The following TENM3 variants were observed in gnomAD, a reference collection of about 807,000 sequenced individuals.
The protein encoded by TENM3 is teneurin-3.
A neutral mutation model predicts 255.1 loss-of-function variants in TENM3; 63 were observed. The ratio of observed to expected loss-of-function variants is 0.25; its 90% CI spans 0.20 to 0.30. The LOEUF is 0.30. Among genes scored for constraint, TENM3 ranks in the 10% least tolerant of loss-of-function variants. The pLI is 1.00. For synonymous variants in TENM3, 1,306 were observed against 1,322.3 expected (o/e 0.99, Z 0.27); for missense variants, 2,929 against 3,461.1 (o/e 0.85, Z 3.86).
At chr4:182,484,491 T>G (rs1186040013) in intron 3 of TENM3, among the ~76,000 whole-genome samples, 1 of 152,164 alleles carries the variant, frequency 6.6e-6, no homozygotes, top group Admixed American at 6.6e-5. Flanking sequence ...TGGTTATTTT[T>G]AATACATGGG....
At chr4:182,729,239 CTTATGTGAAATACTCA>C in intron 14 of TENM3, 58 bp downstream of exon 14, 1 of 1,418,446 alleles carries the variant, frequency 7.0e-7, no homozygotes, top group Non-Finnish European at 9.9e-7. Flanking sequence ...GTTACATACA[CTTATGTGAAATACTCA>C]TGACTGTGAA....
At chr4:181,585,534 T>C in the TENM3 span, among the ~76,000 whole-genome samples, 3 of 152,218 alleles carry the variant, frequency 2.0e-5, no homozygotes, top group Non-Finnish European at 4.4e-5. Flanking sequence ...TATTTAGCAT[T>C]GTACTTTCCC....
At chr4:182,664,388 A>G (rs140443407) in intron 6 of TENM3, among the ~76,000 whole-genome samples, 393 of 152,296 alleles carry the variant, frequency 2.6e-3, no homozygotes, top group Non-Finnish European at 3.4e-3. Context: ...GTGTGTTCTG[A>G]CTGCTCCGTG....
chr4:182,036,990 T>C, the TENM3 span, among the ~76,000 whole-genome samples: 1 of 152,164 alleles, frequency 6.6e-6, no homozygotes, highest in South Asian at 2.1e-4. Flanking sequence ...CTTCCTCTTG[T>C]GTGTTATATA....
chr4:181,844,145 A>G, the TENM3 span, among the ~76,000 whole-genome samples: 39 of 152,084 alleles, frequency 2.6e-4, no homozygotes, highest in Non-Finnish European at 8.8e-5. Flanking sequence ...CATGGTAACT[A>G]ACCGACTCCT....
At chr4:182,444,656 G>A (rs1772764325) in intron 3 of TENM3, among the ~76,000 whole-genome samples, 1 of 152,128 alleles carries the variant, frequency 6.6e-6, no homozygotes, top group Admixed American at 6.5e-5. Flanking sequence ...AGAAATCGAG[G>A]ACTATCCCTT....
intron 3 of TENM3, among the ~76,000 whole-genome samples, chr4:182,490,542 A>G (rs1264838983): frequency 2.0e-5 from 3 of 152,160 alleles, no homozygotes; most frequent in Non-Finnish European, 4.4e-5. Context: ...GTGCATACAG[A>G]TGTCAGATTC....
intron 1 of TENM3, among the ~76,000 whole-genome samples, chr4:182,210,938 C>A (rs1359394816): frequency 6.6e-6 from 1 of 152,192 alleles, no homozygotes; most frequent in Non-Finnish European, 1.5e-5. Context: ...AGCACCATCA[C>A]CTGCTGTGTG....
the TENM3 span, among the ~76,000 whole-genome samples, chr4:181,782,535 A>G: frequency 3.3e-5 from 5 of 152,138 alleles, no homozygotes; most frequent in African/African-American, 1.2e-4. Context: ...TCTTGCTAGC[A>G]GTCTATCAAT....
chr4:182,003,352 G>A, the TENM3 span, among the ~76,000 whole-genome samples: 2 of 152,008 alleles, frequency 1.3e-5, no homozygotes, highest in African/African-American at 2.4e-5. Flanking sequence ...CTTTCCAAAT[G>A]ACCTGAAGTC....
intron 2 of TENM3, among the ~76,000 whole-genome samples, chr4:182,345,194 A>C (rs901129397): frequency 6.6e-6 from 1 of 152,224 alleles, no homozygotes; most frequent in Non-Finnish European, 1.5e-5. Context: ...ATATGACCAC[A>C]GCAATAAAGC....
the TENM3 span, among the ~76,000 whole-genome samples, chr4:182,049,501 C>T: frequency 2.6e-5 from 4 of 152,226 alleles, no homozygotes; most frequent in African/African-American, 4.8e-5. Flanking sequence ...CTCCTGGGTC[C>T]TCTACCCCCA....
At chr4:182,607,465 T>A (rs1412589482) in intron 4 of TENM3, among the ~76,000 whole-genome samples, 1 of 152,202 alleles carries the variant, frequency 6.6e-6, no homozygotes, top group African/African-American at 2.4e-5. Flanking sequence ...CAAATAATAA[T>A]GAAAGGCAAC....
intron 1 of TENM3, among the ~76,000 whole-genome samples, chr4:182,318,460 C>T (rs559308122): frequency 1.7e-4 from 26 of 152,148 alleles, no homozygotes; most frequent in Non-Finnish European, 2.6e-4. Flanking sequence ...CATTACATTA[C>T]GAAACTTCTC....
At chr4:182,513,029 T>C (rs1179615296) in intron 3 of TENM3, among the ~76,000 whole-genome samples, 1 of 152,198 alleles carries the variant, frequency 6.6e-6, no homozygotes, top group Non-Finnish European at 1.5e-5. Flanking sequence ...CATAAATATA[T>C]ATATTCTTGT....
chr4:181,846,206 G>T, the TENM3 span, among the ~76,000 whole-genome samples: 6 of 152,014 alleles, frequency 3.9e-5, no homozygotes, highest in South Asian at 1.2e-3. Context: ...TAAGTCATTT[G>T]GAGTTTGTCT....
chr4:181,649,257 G>A, the TENM3 span, among the ~76,000 whole-genome samples: 968 of 152,278 alleles, frequency 6.4e-3, 23 homozygotes, highest in East Asian at 0.068. Context: ...CCTCTTTTCC[G>A]TCAGTGATTG....
chr4:182,059,956 A>G, the TENM3 span, among the ~76,000 whole-genome samples: 4 of 151,464 alleles, frequency 2.6e-5, no homozygotes, highest in Admixed American at 2.0e-4. Context: ...ATCCTAGTCT[A>G]TAGAATTGGC....
chr4:182,244,091 C>T (rs1164189433), intron 1 of TENM3, among the ~76,000 whole-genome samples: 2 of 151,122 alleles, frequency 1.3e-5, no homozygotes, highest in Admixed American at 6.6e-5. Context: ...GTAGCTGGGA[C>T]TACAGGCGCC....
Sources: allele counts gnomAD v4.1 joint callset (sites outside exome capture counted in the v4.1 genomes callset), GRCh38; gene constraint gnomAD v4.1.1; transcripts MANE v1.5; gene names NCBI Gene and HGNC (gene_info 2026-07-23, HGNC 2026-07-21).